ASCC3: variants seen among roughly 807,000 people sequenced by gnomAD.
ASCC3 encodes ASC-1 complex subunit P200.
In ASCC3, 158 loss-of-function variants were observed where a neutral mutation model predicts 256.3. The ratio of observed to expected loss-of-function variants is 0.62; its 90% CI spans 0.54 to 0.70. The LOEUF (loss-of-function observed/expected upper bound fraction) is 0.70. Among genes scored for constraint, ASCC3 ranks in the 30% least tolerant of loss-of-function variants. The pLI, the probability that ASCC3 is intolerant of heterozygous loss-of-function variation, is 0.00. For missense variants in ASCC3, 2,259 were observed against 2,626.0 expected (o/e 0.86, Z 3.05); for synonymous variants, 948 against 883.4 (o/e 1.07, Z -1.30).
intron 36 of ASCC3, among the ~76,000 whole-genome samples, chr6:100,582,217 A>T (rs1185688873): frequency 1.3e-5 from 2 of 152,084 alleles, no homozygotes; most frequent in African/African-American, 2.4e-5. Context: ...CCTACCCATG[A>T]GCATGGAATG....
chr6:100,722,642 C>CTGAA lies in ASCC3; in HGVS notation c.1902+2893_1902+2896dup, dbSNP rs559798905. Among the ~76,000 whole-genome samples the CTGAA allele has an allele frequency of 5.6e-4, 85 of 151,784 alleles. No homozygotes were observed. The East Asian group carries it at 0.016, about 28-fold the overall frequency. ...TAAGTGTTTAATAAATGTTCATTAA[C>CTGAA]TGAATGAATGAATGAATAAAAACAT... On this transcript the variant is annotated intron_variant, in intron 11 of 41. Transcript: ENST00000369162.
chr6:100,726,590 AT>A (rs1210593644), intron 10 of ASCC3, among the ~76,000 whole-genome samples: 1 of 152,054 alleles, frequency 6.6e-6, no homozygotes, highest in Non-Finnish European at 1.5e-5. Context: ...TGGATTTCAG[AT>A]TTTCAAATTA....
chr6:100,788,861 G>A (rs1769215412), intron 8 of ASCC3, among the ~76,000 whole-genome samples: 1 of 151,976 alleles, frequency 6.6e-6, no homozygotes, highest in African/African-American at 2.4e-5. Flanking sequence ...TGGGAGTGGT[G>A]GGAAAGAGGT....
intron 19 of ASCC3, among the ~76,000 whole-genome samples, chr6:100,651,274 G>C (rs1349658814): frequency 6.6e-6 from 1 of 151,744 alleles, no homozygotes; most frequent in Non-Finnish European, 1.5e-5. Context: ...TCTTCAATGA[G>C]CCTTATATTG....
At chr6:100,711,929 TACAA>T (rs952132087) in intron 13 of ASCC3, among the ~76,000 whole-genome samples, 2 of 152,170 alleles carry the variant, frequency 1.3e-5, no homozygotes, top group Admixed American at 1.3e-4. Context: ...CTTTAAGACT[TACAA>T]ACAGATTAAT....
chr6:100,857,391 T>C (rs951289868), intron 3 of ASCC3: 1 of 152,130 alleles, frequency 6.6e-6, no homozygotes, highest in Non-Finnish European at 1.5e-5. Flanking sequence ...TTAATTTTAC[T>C]ACAGTCCAAC....
intron 8 of ASCC3, among the ~76,000 whole-genome samples, chr6:100,774,355 C>T (rs1782081265): frequency 6.7e-6 from 1 of 150,214 alleles, no homozygotes; most frequent in Admixed American, 6.6e-5. Flanking sequence ...ACGTGCATGT[C>T]ACCACACCTG....
At chr6:100,809,158 C>CT (rs1179351388) in intron 4 of ASCC3, among the ~76,000 whole-genome samples, 2 of 151,212 alleles carry the variant, frequency 1.3e-5, no homozygotes, top group African/African-American at 4.9e-5. Flanking sequence ...TTTGGCTACA[C>CT]TACATTTATT....
intron 10 of ASCC3, among the ~76,000 whole-genome samples, chr6:100,746,794 A>C (rs949690346): frequency 6.6e-5 from 10 of 152,212 alleles, no homozygotes; most frequent in African/African-American, 2.4e-4. Flanking sequence ...AAAACTTAAC[A>C]TATAGTTATA....
intron 13 of ASCC3, among the ~76,000 whole-genome samples, chr6:100,707,854 C>T (rs977406848): frequency 6.6e-6 from 1 of 152,086 alleles, no homozygotes; most frequent in South Asian, 2.1e-4. Flanking sequence ...TTCCTTATAT[C>T]TAGCTCTCCA....
chr6:100,855,607 G>A (rs1260439514), intron 3 of ASCC3, among the ~76,000 whole-genome samples: 1 of 152,150 alleles, frequency 6.6e-6, no homozygotes, highest in Non-Finnish European at 1.5e-5. Flanking sequence ...ATATAATGCT[G>A]TCCAATGTTA....
chr6:100,551,749 T>C (rs547955556), intron 36 of ASCC3, among the ~76,000 whole-genome samples: 126 of 152,144 alleles, frequency 8.3e-4, no homozygotes, highest in Middle Eastern at 3.4e-3. Flanking sequence ...CAAATCAATA[T>C]TAGTTTCCAT....
chr6:100,758,595 T>A, intron 10 of ASCC3, among the ~76,000 whole-genome samples: 1 of 152,198 alleles, frequency 6.6e-6, no homozygotes, highest in East Asian at 1.9e-4. Context: ...TGCATAGTAT[T>A]CCATGGTGTC....
intron 24 of ASCC3, 96 bp from the exon 25 acceptor site, chr6:100,638,917 T>A (rs1370836854): frequency 9.3e-7 from 1 of 1,075,690 alleles, no homozygotes; most frequent in Non-Finnish European, 1.4e-6. Context: ...AATCCTTAGT[T>A]CCTTAGACAA....
At chr6:100,730,298 GAAAAC>G (rs58157005) in intron 10 of ASCC3, among the ~76,000 whole-genome samples, 147 of 148,556 alleles carry the variant, frequency 9.9e-4, no homozygotes, top group East Asian at 1.8e-3. Flanking sequence ...CTCCATCTCT[GAAAAC>G]AAAACAAAAC....
intron 34 of ASCC3, among the ~76,000 whole-genome samples, chr6:100,591,416 T>C (rs1771992965): frequency 6.6e-6 from 1 of 152,004 alleles, no homozygotes; most frequent in Non-Finnish European, 1.5e-5. Context: ...AGAAATGAAA[T>C]TCATCAGTCA....
chr6:100,713,396 T>A lies in ASCC3; in HGVS notation c.2151+2066A>T, dbSNP rs147286210. ...CAAAACTATGGAGAGAGTAAAAAGA[T>A]CAGCAGTTAAGCGGGAGGACAGAAA... On this transcript the variant is annotated intron_variant, in intron 13 of 41. Transcript: ENST00000369162. Among the ~76,000 whole-genome samples, 232 of 152,256 alleles carry A rather than the reference T, an allele frequency of 1.5e-3. 1 individual carries two copies. The highest frequency in any genetic ancestry group is 5.4e-3 in the African/African-American group (226 of 41,556).
Position 100,679,793 on chromosome 6 carries a change from T to C in ASCC3, c.2152-41A>G, listed in dbSNP as rs1777205062. 4 of 1,596,146 alleles carry C rather than the reference T, an allele frequency of 2.5e-6. 1 individual carries two copies. Among genetic ancestry groups the C allele is most frequent in the Admixed American group, 1.7e-5 (1 of 59,956 alleles). ...GCAGTTTATTTAATATTCCAATTAATTAAATTACAGCTTAATAGTAGCCTG... is the reference window on the plus strand; with the variant it reads ...GCAGTTTATTTAATATTCCAATTAACTAAATTACAGCTTAATAGTAGCCTG... On this transcript the variant is annotated intron_variant, in intron 13 of 41. Coordinates refer to ENST00000369162, the MANE Select transcript of ASCC3 (RefSeq NM_006828.4).
At chr6:100,653,890 A>G (rs1490243544) in intron 17 of ASCC3, among the ~76,000 whole-genome samples, 4 of 152,084 alleles carry the variant, frequency 2.6e-5, no homozygotes, top group Non-Finnish European at 4.4e-5. Context: ...CTCTGTAGTC[A>G]TGAGGAGTAA....
Sources: allele counts gnomAD v4.1 joint callset (sites outside exome capture counted in the v4.1 genomes callset), GRCh38; gene constraint gnomAD v4.1.1; transcripts MANE v1.5; gene names NCBI Gene and HGNC (gene_info 2026-07-23, HGNC 2026-07-21).